The following VWC2L variants were observed in gnomAD, a reference collection of about 807,000 sequenced individuals.
The protein encoded by VWC2L is von Willebrand factor C domain-containing protein 2-like.
VWC2L carries 10 observed loss-of-function variants against 21.6 expected under a neutral mutation model. The observed-to-expected ratio is 0.46, with a 90% CI of 0.29 to 0.78. The LOEUF (loss-of-function observed/expected upper bound fraction) is 0.78. Ranked by LOEUF, VWC2L falls within the 30% of genes least tolerant of loss-of-function variation. The pLI is 0.10. For synonymous variants in VWC2L, 96 were observed against 94.3 expected, an observed-to-expected ratio of 1.02 and a Z score of -0.10; for missense variants, 209 against 277.1, an observed-to-expected ratio of 0.75 and a Z score of 1.74.
chr2:214,565,908 G>A (rs1417562019), intron 3 of VWC2L, among the ~76,000 whole-genome samples: 1 of 152,070 alleles, frequency 6.6e-6, no homozygotes, highest in African/African-American at 2.4e-5. Context: ...CCAGTAAATG[G>A]TAGGAGTAGA....
chr2:214,449,812 G>T (rs1702926659), intron 3 of VWC2L, among the ~76,000 whole-genome samples: 1 of 152,144 alleles, frequency 6.6e-6, no homozygotes, highest in Non-Finnish European at 1.5e-5. Context: ...TGATAGAAAA[G>T]AGCAGCCATA....
chr2:214,512,759 CT>C (rs1213354895), intron 3 of VWC2L, among the ~76,000 whole-genome samples: 1 of 152,040 alleles, frequency 6.6e-6, no homozygotes, highest in Non-Finnish European at 1.5e-5. Flanking sequence ...CAGTGGTAGA[CT>C]ACAGGAAGAA....
At chr2:214,527,877 A>G (rs541337813) in intron 3 of VWC2L, among the ~76,000 whole-genome samples, 5 of 152,318 alleles carry the variant, frequency 3.3e-5, no homozygotes, top group African/African-American at 1.2e-4. Context: ...TTCTACTTTA[A>G]GAAGTCATCC....
chr2:214,567,477 G>A (rs1353558332), intron 3 of VWC2L, among the ~76,000 whole-genome samples: 3 of 151,590 alleles, frequency 2.0e-5, no homozygotes, highest in Non-Finnish European at 4.4e-5. Flanking sequence ...TCGAGAGGCT[G>A]TTTCTCTGCC....
intron 3 of VWC2L, among the ~76,000 whole-genome samples, chr2:214,470,032 G>A (rs1283426297): frequency 6.6e-6 from 1 of 152,050 alleles, no homozygotes; most frequent in Non-Finnish European, 1.5e-5. Flanking sequence ...CAAAGCAAAA[G>A]GCAGAATGGT....
At chr2:214,416,257 A>G (rs1243096397) in intron 2 of VWC2L, among the ~76,000 whole-genome samples, 1 of 152,090 alleles carries the variant, frequency 6.6e-6, no homozygotes, top group Non-Finnish European at 1.5e-5. Flanking sequence ...TATTTATTAG[A>G]TTTTACTACA....
intron 3 of VWC2L, among the ~76,000 whole-genome samples, chr2:214,464,217 C>T (rs185460857): frequency 4.0e-4 from 61 of 152,074 alleles, no homozygotes; most frequent in African/African-American, 1.4e-3. Flanking sequence ...TGTGGATGTT[C>T]GTTAATGTAT....
chr2:214,482,770 T>A (rs1156846520), intron 3 of VWC2L, among the ~76,000 whole-genome samples: 3 of 151,788 alleles, frequency 2.0e-5, no homozygotes, highest in African/African-American at 7.3e-5. Flanking sequence ...CTCAAAAAAA[T>A]AATAATAATA....
chr2:214,488,951 C>A (rs1368178045), intron 3 of VWC2L, among the ~76,000 whole-genome samples: 2 of 152,184 alleles, frequency 1.3e-5, no homozygotes, highest in Non-Finnish European at 2.9e-5. Context: ...CCCCCATCAC[C>A]CAACACCTCC....
chr2:214,419,256 A>C (rs1702399025), intron 2 of VWC2L, among the ~76,000 whole-genome samples: 1 of 152,120 alleles, frequency 6.6e-6, no homozygotes, highest in Non-Finnish European at 1.5e-5. Context: ...TTTTATGTGC[A>C]CCCCGGCAAT....
At chr2:214,531,392 A>G (rs1464594856) in intron 3 of VWC2L, among the ~76,000 whole-genome samples, 1 of 152,190 alleles carries the variant, frequency 6.6e-6, no homozygotes, top group African/African-American at 2.4e-5. Flanking sequence ...TTTCTTCCTT[A>G]GTACAGGAGT....
Position 214,467,726 on chromosome 2 carries a change from C to G in VWC2L, c.520+30968C>G, listed in dbSNP as rs1233521415. ...GCAATGTTGATCAATTCATAGCTAA[C>G]CAAATTAAAACGTAATATTCATTGT... On this transcript the variant is annotated intron_variant, in intron 3 of 3. Coordinates refer to ENST00000312504, the MANE Select transcript of VWC2L (RefSeq NM_001080500.4). 2.6e-5 allele frequency among the ~76,000 whole-genome samples: 4 copies of G among 152,298 alleles called. No homozygotes were observed. The East Asian group carries it at 7.7e-4, about 29-fold the overall frequency.
At chr2:214,503,403 T>C (rs1688923370) in intron 3 of VWC2L, among the ~76,000 whole-genome samples, 1 of 152,118 alleles carries the variant, frequency 6.6e-6, no homozygotes, top group African/African-American at 2.4e-5. Flanking sequence ...TAATATGTAA[T>C]ATTAATATAT....
At chr2:214,543,768 CTGG>C (rs1277025469) in intron 3 of VWC2L, among the ~76,000 whole-genome samples, 2 of 152,092 alleles carry the variant, frequency 1.3e-5, no homozygotes, top group South Asian at 2.1e-4. Flanking sequence ...CAAAGCCAAA[CTGG>C]TTTGGTTGAT....
chr2:214,423,623 T>A (rs1702475467), intron 2 of VWC2L, among the ~76,000 whole-genome samples: 1 of 152,018 alleles, frequency 6.6e-6, no homozygotes, highest in African/African-American at 2.4e-5. Flanking sequence ...ACAAGAACAA[T>A]AAAATACTGG....
At chr2:214,493,974 A>G (rs1325990160) in intron 3 of VWC2L, among the ~76,000 whole-genome samples, 1 of 152,182 alleles carries the variant, frequency 6.6e-6, no homozygotes, top group Admixed American at 6.5e-5. Flanking sequence ...TCCACAATGA[A>G]TCAGTGTAGT....
At chr2:214,503,927 T>C (rs1362417534) in intron 3 of VWC2L, among the ~76,000 whole-genome samples, 2 of 152,216 alleles carry the variant, frequency 1.3e-5, no homozygotes, top group African/African-American at 4.8e-5. Context: ...CTTGAAATTC[T>C]TCCATCTGTG....
chr2:214,505,421 T>C (rs374701799), intron 3 of VWC2L, among the ~76,000 whole-genome samples: 30 of 152,346 alleles, frequency 2.0e-4, no homozygotes, highest in African/African-American at 6.3e-4. Flanking sequence ...TTGGGTTTTT[T>C]TTAATCAAGA....
chr2:214,480,367 T>C (rs1472402589), intron 3 of VWC2L, among the ~76,000 whole-genome samples: 1 of 152,226 alleles, frequency 6.6e-6, no homozygotes, highest in Non-Finnish European at 1.5e-5. Context: ...TAAGTTTCCA[T>C]GTCTGCATGA....
Sources: allele counts gnomAD v4.1 joint callset (sites outside exome capture counted in the v4.1 genomes callset), GRCh38; gene constraint gnomAD v4.1.1; transcripts MANE v1.5; gene names NCBI Gene and HGNC (gene_info 2026-07-23, HGNC 2026-07-21).